C4orf36: variants seen among roughly 807,000 people sequenced by gnomAD.
C4orf36 encodes the protein chromosome 4 open reading frame 36.
A neutral mutation model predicts 12.2 loss-of-function variants in C4orf36; 11 were observed. That is an observed-to-expected ratio of 0.90 (90% CI 0.57 to 1.49). The LOEUF is 1.49. Ranked by LOEUF, C4orf36 falls within the 40% of genes most tolerant of loss-of-function variation. The pLI, the probability that C4orf36 is intolerant of heterozygous loss-of-function variation, is 0.00. For synonymous variants in C4orf36, 54 were observed against 51.3 expected (o/e 1.05, Z -0.22); for missense variants, 137 against 133.9 (o/e 1.02, Z -0.11).
chr4:86,931,142 G>T, the C4orf36 span, among the ~76,000 whole-genome samples: 1 of 152,218 alleles, frequency 6.6e-6, no homozygotes, highest in East Asian at 1.9e-4. Flanking sequence ...AGGTTGGCAT[G>T]TAGTGCCCTT....
the C4orf36 span, chr4:86,913,917 C>T: frequency 1.7e-5 from 22 of 1,325,340 alleles, no homozygotes; most frequent in South Asian, 7.4e-5. Flanking sequence ...CGAACTCTCC[C>T]GGGCTCACGC....
At chr4:86,913,313 C>T in the C4orf36 span, 1 of 767,130 alleles carries the variant, frequency 1.3e-6, no homozygotes, top group Admixed American at 1.8e-5. Context: ...ATTGTCATGG[C>T]TCCACCGATG....
rs139208000 is a variant in C4orf36 at position 86,883,893 on chromosome 4, G to A, written c.*2+3865C>T. On this transcript the variant is annotated intron_variant, in intron 4 of 4. Transcript: ENST00000295898. ...AAAATACAAAAATTAGCTAGGTGTG[G>A]TGGTGCATGCCTGTAGTCCCAGCCA... Among the ~76,000 whole-genome samples the A allele has an allele frequency of 6.8e-3, 1,038 of 152,162 alleles. 15 individuals are homozygous for A. The highest frequency in any genetic ancestry group is 0.023 in the African/African-American group (971 of 41,494).
At chr4:86,913,790 G>T in the C4orf36 span, 1 of 1,244,334 alleles carries the variant, frequency 8.0e-7, no homozygotes. Flanking sequence ...AGGGCATCTT[G>T]CTGCCCCAGT....
At chr4:86,935,968 G>A in the C4orf36 span, 12 of 152,416 alleles carry the variant, frequency 7.9e-5, no homozygotes, top group African/African-American at 2.9e-4. Flanking sequence ...AGAAGGTGGA[G>A]AGTGTGAATC....
the C4orf36 span, among the ~76,000 whole-genome samples, chr4:86,919,769 TAAC>T: frequency 2.6e-5 from 4 of 152,202 alleles, no homozygotes; most frequent in Non-Finnish European, 4.4e-5. Flanking sequence ...GTGTGGTGGC[TAAC>T]AACTCTAATG....
the C4orf36 span, among the ~76,000 whole-genome samples, chr4:86,924,430 T>C: frequency 6.6e-6 from 1 of 152,138 alleles, no homozygotes; most frequent in African/African-American, 2.4e-5. Context: ...TGAACTCCTA[T>C]CCTCAAGTGA....
At chr4:86,921,333 A>T in the C4orf36 span, among the ~76,000 whole-genome samples, 1 of 152,222 alleles carries the variant, frequency 6.6e-6, no homozygotes, top group Admixed American at 6.5e-5. Context: ...CACTCCACTA[A>T]GACACCTGAC....
intron 4 of C4orf36, among the ~76,000 whole-genome samples, chr4:86,885,090 G>C (rs968526246): frequency 6.6e-6 from 1 of 152,104 alleles, no homozygotes; most frequent in Non-Finnish European, 1.5e-5. Context: ...ATGCTGTTTT[G>C]GTTACTGTAG....
At chr4:86,924,393 G>A in the C4orf36 span, among the ~76,000 whole-genome samples, 2 of 152,276 alleles carry the variant, frequency 1.3e-5, no homozygotes, top group East Asian at 3.9e-4. Context: ...TACAGATGGG[G>A]TTTCACCATG....
the C4orf36 span, among the ~76,000 whole-genome samples, chr4:86,912,711 TACACACAC>T: frequency 5.7e-4 from 87 of 152,300 alleles, no homozygotes; most frequent in East Asian, 0.015. Context: ...TGTGCATGTA[TACACACAC>T]ACATGAGCAT....
At chr4:86,878,662 G>A (rs1278176895) in intron 4 of C4orf36, among the ~76,000 whole-genome samples, 5 of 152,198 alleles carry the variant, frequency 3.3e-5, no homozygotes, top group African/African-American at 1.2e-4. Context: ...CCTCAGGAGT[G>A]AAAGAGATGA....
chr4:86,920,835 A>G, the C4orf36 span, among the ~76,000 whole-genome samples: 1 of 152,170 alleles, frequency 6.6e-6, no homozygotes, highest in African/African-American at 2.4e-5. Flanking sequence ...ATTGGGGATT[A>G]AGTTTCCAAT....
Position 86,888,189 on chromosome 4 carries a change from G to A in C4orf36, c.152C>T (p.Ser51Leu). The stretch of plus-strand genomic sequence containing the variant: ...TGTGAGCTGCACAGAACCACCAAAT[G>A]AAATTTCTTCCAAGAAAGGCAACTT... ...NIKLPFLEEI[S>L]FGGSVQLTKC... Residue 51 changes from serine to leucine, a missense_variant, in exon 3 of 5, where the codon TCA becomes TTA. Ser to Leu is a moderately radical substitution (Grantham distance 145). Transcript: ENST00000295898. 1.2e-6 allele frequency: 2 copies of A among 1,614,158 alleles called. No individual in the cohort carries two copies. Among genetic ancestry groups the A allele is most frequent in the Non-Finnish European group, 1.7e-6 (2 of 1,179,988 alleles).
At chr4:86,913,487 G>A in the C4orf36 span, 1 of 783,042 alleles carries the variant, frequency 1.3e-6, no homozygotes, top group South Asian at 1.4e-5. Flanking sequence ...TGCGTTGGAT[G>A]CTCTGTTTTG....
At chr4:86,882,747 C>T (rs1747078273) in intron 4 of C4orf36, among the ~76,000 whole-genome samples, 1 of 152,186 alleles carries the variant, frequency 6.6e-6, no homozygotes, top group African/African-American at 2.4e-5. Context: ...AACCCCACCC[C>T]AAAGTGAACA....
chr4:86,918,832 T>C, the C4orf36 span, among the ~76,000 whole-genome samples: 5 of 120,132 alleles, frequency 4.2e-5, no homozygotes, highest in Non-Finnish European at 9.3e-5. Flanking sequence ...TGTGTGTGTG[T>C]GTGCACGTGA....
At chr4:86,900,981 G>C in the C4orf36 span, among the ~76,000 whole-genome samples, 1 of 148,218 alleles carries the variant, frequency 6.7e-6, no homozygotes, top group Non-Finnish European at 1.5e-5. Context: ...TCCTGCAGTG[G>C]TTCCTTTTTT....
At chr4:86,920,119 C>T in the C4orf36 span, among the ~76,000 whole-genome samples, 1 of 152,192 alleles carries the variant, frequency 6.6e-6, no homozygotes, top group Non-Finnish European at 1.5e-5. Flanking sequence ...GGCATGAACA[C>T]AACTCAGCCA....
Sources: allele counts gnomAD v4.1 joint callset (sites outside exome capture counted in the v4.1 genomes callset), GRCh38; gene constraint gnomAD v4.1.1; transcripts MANE v1.5; gene names NCBI Gene and HGNC (gene_info 2026-07-23, HGNC 2026-07-21).